QRFPR: variants seen among roughly 807,000 people sequenced by gnomAD.
The protein encoded by QRFPR is pyroglutamylated RFamide peptide receptor, also known as pyroglutamylated RF-amide peptide receptor.
QRFPR carries 37 observed loss-of-function variants against 31.3 expected under a neutral mutation model. That is an observed-to-expected ratio of 1.18 (90% confidence interval 0.91 to 1.56). QRFPR has a LOEUF of 1.56. Ranked by LOEUF, QRFPR falls within the 40% of genes most tolerant of loss-of-function variation. The pLI, the probability that QRFPR is intolerant of heterozygous loss-of-function variation, is 0.00. For missense variants in QRFPR, 542 were observed against 532.5 expected, an observed-to-expected ratio of 1.02 and a Z score of -0.18; for synonymous variants, 197 against 192.0, an observed-to-expected ratio of 1.03 and a Z score of -0.22.
chr4:121,342,678 A>G (rs892554161), intron 1 of QRFPR, among the ~76,000 whole-genome samples: 11 of 151,646 alleles, frequency 7.3e-5, no homozygotes, highest in African/African-American at 2.7e-4. Context: ...CCCTACTAAA[A>G]TATAGATGCC....
chr4:121,379,045 A>T (rs1726417497), intron 1 of QRFPR, among the ~76,000 whole-genome samples: 1 of 152,216 alleles, frequency 6.6e-6, no homozygotes, highest in South Asian at 2.1e-4. Context: ...GAGCAACTTT[A>T]AAATGCCCAA....
At chr4:121,376,543 GT>G (rs35472146) in intron 1 of QRFPR, among the ~76,000 whole-genome samples, 50,719 of 136,248 alleles carry the variant, frequency 0.37, 8,979 homozygotes, top group African/African-American at 0.47. Context: ...TTCTGGGTTT[GT>G]TTTTTTTTTT....
At chr4:121,379,567 C>A (rs1162538459) in intron 1 of QRFPR, among the ~76,000 whole-genome samples, 3 of 152,082 alleles carry the variant, frequency 2.0e-5, no homozygotes. Flanking sequence ...TCTTTTTTTC[C>A]AACCTCCACA....
At chr4:121,361,520 C>A (rs1207511150) in intron 1 of QRFPR, among the ~76,000 whole-genome samples, 1 of 150,056 alleles carries the variant, frequency 6.7e-6, no homozygotes, top group Non-Finnish European at 1.5e-5. Flanking sequence ...AAAAGTGGAA[C>A]ACAGCAATGA....
chr4:121,379,433 A>G (rs12642412), intron 1 of QRFPR, among the ~76,000 whole-genome samples: 3,327 of 152,318 alleles, frequency 0.022, 72 homozygotes, highest in East Asian at 0.11. Flanking sequence ...CAACCGTGAA[A>G]AAGGGGAGGC....
At chr4:121,330,194 TG>T (rs1725296478) in intron 5 of QRFPR, among the ~76,000 whole-genome samples, 2 of 152,170 alleles carry the variant, frequency 1.3e-5, no homozygotes, top group Non-Finnish European at 2.9e-5. Context: ...AGGAGTAACA[TG>T]GGAGAGGAAT....
In QRFPR at chr4:121,366,416, A is replaced by T. The variant is rs546041912; in HGVS notation, c.340+13892T>A. 4.9e-4 allele frequency among the ~76,000 whole-genome samples: 74 copies of T among 150,168 alleles called. 4 individuals are homozygous for T. The highest frequency in any genetic ancestry group is 1.8e-3 in the African/African-American group (72 of 40,618). On this transcript the variant is annotated intron_variant, in intron 1 of 5. Coordinates refer to ENST00000394427, the MANE Select transcript of QRFPR (RefSeq NM_198179.3). ...CCAGTGATGTGACTTGCTTTATCAC[A>T]GAAGTAACATTTGTGTGACATTCAA...
intron 1 of QRFPR, among the ~76,000 whole-genome samples, chr4:121,365,937 G>A (rs1726127960): frequency 6.8e-6 from 1 of 147,458 alleles, no homozygotes; most frequent in South Asian, 2.1e-4. Flanking sequence ...TGCATTAGTA[G>A]ACTTGCGGGC....
chr4:121,344,218 A>T (rs944805917), intron 1 of QRFPR, among the ~76,000 whole-genome samples: 1 of 152,192 alleles, frequency 6.6e-6, no homozygotes, highest in Non-Finnish European at 1.5e-5. Context: ...AGGTTAAATG[A>T]TGTGCTCAGG....
intron 1 of QRFPR, among the ~76,000 whole-genome samples, chr4:121,348,911 C>G (rs868391351): frequency 1.9e-4 from 29 of 152,050 alleles, no homozygotes; most frequent in Admixed American, 6.6e-5. Flanking sequence ...TCCTGGCTAA[C>G]ACGGTGAAAG....
At chr4:121,348,661 A>T (rs376831843) in intron 1 of QRFPR, among the ~76,000 whole-genome samples, 16 of 152,154 alleles carry the variant, frequency 1.1e-4, no homozygotes, top group African/African-American at 3.6e-4. Context: ...ACATTCTTAT[A>T]TATCTTAAAA....
intron 3 of QRFPR, among the ~76,000 whole-genome samples, chr4:121,334,840 A>G (rs1024921735): frequency 3.4e-4 from 51 of 152,206 alleles, no homozygotes; most frequent in African/African-American, 1.2e-3. Context: ...CATCCCTGTG[A>G]TAAGTTCACA....
intron 1 of QRFPR, among the ~76,000 whole-genome samples, chr4:121,364,025 TTCATAATCAAG>T (rs561987004): frequency 2.7e-5 from 4 of 149,976 alleles, no homozygotes; most frequent in East Asian, 2.0e-4. Flanking sequence ...AGTTATCATT[TTCATAATCAAG>T]TCATAATCAA....
At chr4:121,358,865 G>C (rs1265000514) in intron 1 of QRFPR, among the ~76,000 whole-genome samples, 1 of 152,160 alleles carries the variant, frequency 6.6e-6, no homozygotes, top group African/African-American at 2.4e-5. Flanking sequence ...GCTAGGTACT[G>C]ATCTAATAAG....
chr4:121,381,008 C>A lies in QRFPR; in HGVS notation c.-361G>T. 1 of 204,540 alleles carries A rather than the reference C, an allele frequency of 4.9e-6. No individual in the cohort carries two copies. The highest frequency in any genetic ancestry group is 9.7e-6 in the Non-Finnish European group (1 of 103,170). The allele number at this position is 204,540 out of a possible 1,614,324, so 12.7% of individuals were successfully genotyped here. A position where few individuals can be genotyped will look rare whatever the true frequency, so the allele number is the denominator to read the frequency against. On this transcript the variant is annotated 5_prime_UTR_variant, in exon 1 of 6. It adds an upstream start codon to the 5' untranslated region. Coordinates refer to ENST00000394427, the MANE Select transcript of QRFPR (RefSeq NM_198179.3). ...GGTCCTGGCGCCTCTGGCTCCCCGC[C>A]TTCTGGCCATGCGATGCGGACGCCG...
intron 1 of QRFPR, among the ~76,000 whole-genome samples, chr4:121,361,470 A>G: frequency 6.7e-6 from 1 of 150,100 alleles, no homozygotes; most frequent in East Asian, 2.0e-4. Flanking sequence ...GTGGCCTACC[A>G]CTACTGGCCA....
intron 1 of QRFPR, among the ~76,000 whole-genome samples, chr4:121,353,664 C>T (rs867941989): frequency 3.9e-5 from 6 of 151,972 alleles, no homozygotes; most frequent in Non-Finnish European, 7.4e-5. Flanking sequence ...TTGTGGGTTA[C>T]GTTTTCACTT....
intron 5 of QRFPR, 23 bp from the exon 6 acceptor site, chr4:121,329,737 A>C (rs1560731199): frequency 2.1e-6 from 3 of 1,416,416 alleles, no homozygotes; most frequent in Non-Finnish European, 2.8e-6. Flanking sequence ...AATATTTTAG[A>C]ATGTACGTTT....
At chr4:121,374,580 G>T (rs927562443) in intron 1 of QRFPR, among the ~76,000 whole-genome samples, 1 of 151,926 alleles carries the variant, frequency 6.6e-6, no homozygotes, top group Non-Finnish European at 1.5e-5. Flanking sequence ...TCTAACTTTG[G>T]GAACTTTTGA....
Sources: gnomAD v4.1 joint callset for allele counts (sites outside exome capture counted in the v4.1 genomes callset) on GRCh38, gnomAD v4.1.1 for gene constraint, MANE v1.5 for transcripts, NCBI Gene and HGNC (gene_info 2026-07-23, HGNC 2026-07-21) for gene names.